The following TCF4 variants were observed in gnomAD, a reference collection of about 807,000 sequenced individuals.
TCF4 encodes transcription factor 4.
In TCF4, 3 loss-of-function variants were observed where a neutral mutation model predicts 82.1. The ratio of observed to expected loss-of-function variants is 0.04; its 90% CI spans 0.02 to 0.09. TCF4 has a LOEUF of 0.09. Ranked by LOEUF, TCF4 falls within the 10% of genes least tolerant of loss-of-function variation. TCF4 has a pLI of 1.00. For synonymous variants in TCF4, 276 were observed against 309.6 expected, an observed-to-expected ratio of 0.89 and a Z score of 1.14; for missense variants, 518 against 852.7, an observed-to-expected ratio of 0.61 and a Z score of 4.89.
intron 3 of TCF4, among the ~76,000 whole-genome samples, chr18:55,553,781 T>C (rs1474453621): frequency 1.3e-5 from 2 of 152,142 alleles, no homozygotes; most frequent in Non-Finnish European, 2.9e-5. Context: ...GTATTAAATA[T>C]GCAAGTCCTA....
chr18:55,304,419 TAG>T (rs2147053126), intron 8 of TCF4, among the ~76,000 whole-genome samples: 2 of 152,266 alleles, frequency 1.3e-5, no homozygotes, highest in East Asian at 3.9e-4. Flanking sequence ...TTAAGATACA[TAG>T]AATTATAAAT....
At chr18:55,489,111 C>T (rs909104456) in intron 3 of TCF4, among the ~76,000 whole-genome samples, 1 of 152,170 alleles carries the variant, frequency 6.6e-6, no homozygotes, top group African/African-American at 2.4e-5. Context: ...AAAACACATC[C>T]AGCATATCAG....
chr18:55,513,389 T>C (rs964238394), intron 3 of TCF4, among the ~76,000 whole-genome samples: 1 of 148,660 alleles, frequency 6.7e-6, no homozygotes, highest in African/African-American at 2.5e-5. Flanking sequence ...TTTTTTTACA[T>C]CAATAGCCCA....
chr18:55,248,544 C>A (rs2054018688), intron 15 of TCF4, among the ~76,000 whole-genome samples: 2 of 152,198 alleles, frequency 1.3e-5, no homozygotes, highest in Admixed American at 1.3e-4. Flanking sequence ...ACTGGTAGAG[C>A]TAAATAGCAA....
intron 2 of TCF4, 196 bp downstream of exon 2, chr18:55,586,849 A>G: frequency 1.8e-6 from 1 of 546,702 alleles, no homozygotes; most frequent in Non-Finnish European, 3.3e-6. Flanking sequence ...TCAAAAAAAA[A>G]AAAAAGCCTG....
At chr18:55,342,017 G>A (rs1231240291) in intron 8 of TCF4, among the ~76,000 whole-genome samples, 1 of 152,146 alleles carries the variant, frequency 6.6e-6, no homozygotes, top group Admixed American at 6.6e-5. Flanking sequence ...ATGTTACATG[G>A]TGTGTCTAGT....
chr18:55,558,015 G>A (rs976884015), intron 3 of TCF4, among the ~76,000 whole-genome samples: 2 of 151,874 alleles, frequency 1.3e-5, no homozygotes, highest in Non-Finnish European at 2.9e-5. Flanking sequence ...GACCAGCCTG[G>A]GCAACATAGT....
At position 55,571,560 on chromosome 18, in the gene TCF4, G is replaced by T. The variant is rs535024025; in HGVS notation, c.145+13720C>A. Reference sequence around the variant, plus strand: ...CTTCACAACTTACATTTGTTACACAGATTATTCTGTAGGTATCAAGTATTA... The same window carrying T: ...CTTCACAACTTACATTTGTTACACATATTATTCTGTAGGTATCAAGTATTA... On this transcript the variant is annotated intron_variant, in intron 3 of 19. Coordinates refer to ENST00000354452, the MANE Select transcript of TCF4 (RefSeq NM_001083962.2). 2.6e-5 allele frequency among the ~76,000 whole-genome samples: 4 copies of T among 152,272 alleles called. No homozygotes were observed. The East Asian group carries it at 7.7e-4, about 29-fold the overall frequency.
At chr18:55,510,597 T>C in intron 3 of TCF4, 1 of 1,513,354 alleles carries the variant, frequency 6.6e-7, no homozygotes, top group South Asian at 1.2e-5. Context: ...TCCTCTTCCA[T>C]ATGAATAGGA....
intron 8 of TCF4, among the ~76,000 whole-genome samples, chr18:55,297,798 A>G (rs947155466): frequency 6.6e-6 from 1 of 152,078 alleles, no homozygotes; most frequent in East Asian, 1.9e-4. Flanking sequence ...AAAAACTAGC[A>G]ATTTTTAGGA....
intron 2 of TCF4, among the ~76,000 whole-genome samples, chr18:55,629,389 G>A (rs1157159806): frequency 6.6e-6 from 1 of 152,148 alleles, no homozygotes; most frequent in African/African-American, 2.4e-5. Flanking sequence ...ACTAAATTTA[G>A]GGAGGTCTGC....
At chr18:55,568,929 C>T (rs1361057267) in intron 3 of TCF4, among the ~76,000 whole-genome samples, 1 of 152,128 alleles carries the variant, frequency 6.6e-6, no homozygotes, top group Non-Finnish European at 1.5e-5. Flanking sequence ...GCAAAGGTGG[C>T]TTACCACAGG....
chr18:55,588,029 G>T lies in TCF4; in HGVS notation c.-21+9C>A. 3 of 982,032 alleles carry T rather than the reference G, an allele frequency of 3.1e-6. No individual in the cohort carries two copies. Among genetic ancestry groups the T allele is most frequent in the Non-Finnish European group, 3.6e-6 (3 of 828,572 alleles). The allele number at this position is 982,032 out of a possible 1,614,324, so 60.8% of individuals were successfully genotyped here. A position where few individuals can be genotyped will look rare whatever the true frequency, so the allele number is the denominator to read the frequency against. On this transcript the variant is annotated intron_variant, in intron 1 of 19. Transcript: ENST00000354452. ...CGCCCCGCCGAGCCCCGCAGGCGCCGGTACCTACCGCCCGCGCGCGAGAAG... is the reference window on the plus strand; with the variant it reads ...CGCCCCGCCGAGCCCCGCAGGCGCCTGTACCTACCGCCCGCGCGCGAGAAG...
At chr18:55,309,557 G>A (rs981954035) in intron 8 of TCF4, among the ~76,000 whole-genome samples, 1 of 152,164 alleles carries the variant, frequency 6.6e-6, no homozygotes, top group Admixed American at 6.5e-5. Context: ...TTAGAACTGG[G>A]TTGAGAAAAT....
chr18:55,250,929 G>C (rs761304784), intron 15 of TCF4, among the ~76,000 whole-genome samples: 3 of 152,132 alleles, frequency 2.0e-5, no homozygotes, highest in Non-Finnish European at 4.4e-5. Context: ...TAGCATGAGT[G>C]GGGTAGCAAG....
intron 3 of TCF4, among the ~76,000 whole-genome samples, chr18:55,536,519 A>C (rs1251203063): frequency 1.3e-5 from 2 of 152,242 alleles, no homozygotes; most frequent in Non-Finnish European, 2.9e-5. Context: ...CTGCAAAAAC[A>C]TACTTGCAGT....
At chr18:55,539,706 T>A (rs1179884468) in intron 3 of TCF4, among the ~76,000 whole-genome samples, 1 of 152,196 alleles carries the variant, frequency 6.6e-6, no homozygotes, top group Non-Finnish European at 1.5e-5. Flanking sequence ...AGAGATTTTT[T>A]AAATGATCAT....
intron 5 of TCF4, among the ~76,000 whole-genome samples, chr18:55,425,731 C>G (rs980279775): frequency 1.3e-5 from 2 of 152,180 alleles, no homozygotes; most frequent in Non-Finnish European, 2.9e-5. Context: ...AGAGCCTATT[C>G]TAGCTCAAGA....
intron 3 of TCF4, among the ~76,000 whole-genome samples, chr18:55,494,203 C>T (rs2096606697): frequency 7.9e-6 from 1 of 125,882 alleles, no homozygotes; most frequent in African/African-American, 2.8e-5. Flanking sequence ...GCATGTACAA[C>T]CAGGAAGAAA....
Sources: gnomAD v4.1 joint callset for allele counts (sites outside exome capture counted in the v4.1 genomes callset) on GRCh38, gnomAD v4.1.1 for gene constraint, MANE v1.5 for transcripts, NCBI Gene and HGNC (gene_info 2026-07-23, HGNC 2026-07-21) for gene names.